Variants in PPP2R2A observed in about 807,000 individuals in gnomAD.
PPP2R2A encodes protein phosphatase 2 regulatory subunit Balpha.
In PPP2R2A, 9 loss-of-function variants were observed where a neutral mutation model predicts 53.2. The observed-to-expected ratio is 0.17, with a 90% confidence interval of 0.10 to 0.30. The LOEUF is 0.30. Among genes scored for constraint, PPP2R2A ranks in the 10% least tolerant of loss-of-function variants. PPP2R2A has a pLI of 1.00. For synonymous variants in PPP2R2A, 169 were observed against 174.2 expected, an observed-to-expected ratio of 0.97 and a Z score of 0.23; for missense variants, 235 against 534.6, an observed-to-expected ratio of 0.44 and a Z score of 5.53.
At chr8:26,328,020 T>TC (rs1803183387) in intron 2 of PPP2R2A, among the ~76,000 whole-genome samples, 1 of 152,054 alleles carries the variant, frequency 6.6e-6, no homozygotes, top group African/African-American at 2.4e-5. Flanking sequence ...CACCCACTCC[T>TC]CCCCCTCATC....
Position 26,302,801 on chromosome 8 carries a change from A to G in PPP2R2A, c.82+9061A>G, listed in dbSNP as rs73675951. Among the ~76,000 whole-genome samples, 694 of 152,304 alleles carry G rather than the reference A, an allele frequency of 4.6e-3. 3 individuals carry two copies. Among genetic ancestry groups the G allele is most frequent in the African/African-American group, 0.016 (658 of 41,560 alleles). On this transcript the variant is annotated intron_variant, in intron 2 of 9. Coordinates refer to ENST00000380737, the MANE Select transcript of PPP2R2A (RefSeq NM_002717.4). ...AAAGAGATTTGCAGCAGTGTAAAGC[A>G]ATGTCATTAATTTTGTTGGTGGGGA...
At chr8:26,320,764 G>A (rs569268152) in intron 2 of PPP2R2A, among the ~76,000 whole-genome samples, 6 of 152,166 alleles carry the variant, frequency 3.9e-5, no homozygotes, top group African/African-American at 1.2e-4. Flanking sequence ...TTAAAAGAAA[G>A]CAGTTACTTA....
intron 2 of PPP2R2A, among the ~76,000 whole-genome samples, chr8:26,335,347 G>A (rs1246147642): frequency 6.6e-6 from 1 of 152,176 alleles, no homozygotes; most frequent in Non-Finnish European, 1.5e-5. Flanking sequence ...AACTGTATAT[G>A]ATCTTTCTCT....
rs919602956 is a variant in PPP2R2A, at chr8:26,321,692, G to A, written c.83-17198G>A. ...AGCAGCCAGGCGCACGAGCTTGGAA[G>A]TAGATCTCCTCCTCCAGTCAGGCTT... On this transcript the variant is annotated intron_variant, in intron 2 of 9. Coordinates refer to ENST00000380737, the MANE Select transcript of PPP2R2A (RefSeq NM_002717.4). The surrounding 1 kb of genome is among the most constrained non-coding windows in gnomAD (Gnocchi z 4.1). 6.6e-6 allele frequency among the ~76,000 whole-genome samples: 1 copy of A among 152,206 alleles called. No individual in the cohort carries two copies. The highest frequency in any genetic ancestry group is 2.4e-5 in the African/African-American group (1 of 41,454).
intron 2 of PPP2R2A, among the ~76,000 whole-genome samples, chr8:26,319,204 C>G (rs1053585193): frequency 6.6e-6 from 1 of 152,134 alleles, no homozygotes; most frequent in Non-Finnish European, 1.5e-5. Flanking sequence ...TTTGTTCACT[C>G]ATCTCTTGAT....
At chr8:26,368,415 T>TTA (rs1214968678) in intron 9 of PPP2R2A, among the ~76,000 whole-genome samples, 10 of 152,198 alleles carry the variant, frequency 6.6e-5, no homozygotes, top group African/African-American at 2.2e-4. Context: ...AGCTTCAAAC[T>TTA]TACGAAGTTT....
Position 26,327,590 on chromosome 8 carries a change from A to G in PPP2R2A, c.83-11300A>G, listed in dbSNP as rs144460960. Among the ~76,000 whole-genome samples the G allele has an allele frequency of 2.3e-3, 347 of 152,308 alleles. 1 individual carries two copies. The highest frequency in any genetic ancestry group is 0.012 in the South Asian group (59 of 4,832). On this transcript the variant is annotated intron_variant, in intron 2 of 9. Transcript: ENST00000380737. ...TTTGGGAAAAATAGCAAGAACTTCG[A>G]GCTCCCTCTAGAGGCCAGCAGTGAT...
intron 2 of PPP2R2A, among the ~76,000 whole-genome samples, chr8:26,311,891 C>T (rs1016994264): frequency 6.6e-6 from 1 of 152,058 alleles, no homozygotes; most frequent in African/African-American, 2.4e-5. Flanking sequence ...CTATTGGTGT[C>T]AGTTTCTCAT....
In PPP2R2A at chr8:26,362,551, C is replaced by T. The variant is rs1805163176; in HGVS notation, c.638-133C>T. The T allele has an allele frequency of 6.2e-6, 5 of 804,254 alleles. No individual in the cohort carries two copies. The highest frequency in any genetic ancestry group is 1.7e-5 in the African/African-American group (1 of 57,232). The allele number at this position is 804,254 out of a possible 1,614,324, so 49.8% of individuals were successfully genotyped here. On this transcript the variant is annotated intron_variant, in intron 6 of 9. Coordinates refer to ENST00000380737, the MANE Select transcript of PPP2R2A (RefSeq NM_002717.4). This position sits in a 1 kb window ranked among gnomAD's most constrained non-coding sequence, Gnocchi z 4.4. ...TTTTAATCCCTTTGGAATTTATACT[C>T]ATAAAAACAGTGGAGTGCAATTCAG... is the stretch of plus-strand genomic sequence containing the variant.
At position 26,362,599 on chromosome 8, in the gene PPP2R2A, CATGA is replaced by C; in HGVS notation, c.638-81_638-78del. The stretch of plus-strand genomic sequence containing the variant: ...CAGAATTAATATTTTTGCTTAGGTC[CATGA>C]ATGGGTTTTAGGTTTGAGAAATGTA... On this transcript the variant is annotated intron_variant, in intron 6 of 9. Transcript: ENST00000380737. The surrounding 1 kb of genome is among the most constrained non-coding windows in gnomAD (Gnocchi z 4.4). The C allele has an allele frequency of 7.7e-7, 1 of 1,294,492 alleles. No individual in the cohort carries two copies. Among genetic ancestry groups the C allele is most frequent in the South Asian group, 1.4e-5 (1 of 73,922 alleles). 80.2% of individuals were successfully genotyped at this position (1,294,492 alleles called of 1,614,324 possible).
intron 4 of PPP2R2A, chr8:26,358,870 T>C (rs1319238032): frequency 4.4e-6 from 2 of 454,548 alleles, no homozygotes; most frequent in Non-Finnish European, 8.9e-6. Flanking sequence ...ATACATACTC[T>C]TCCCTACAGG....
intron 1 of PPP2R2A, chr8:26,292,531 A>G: frequency 1.2e-6 from 1 of 832,010 alleles, no homozygotes; most frequent in Non-Finnish European, 1.4e-6. Flanking sequence ...GGTTTGGTAG[A>G]GTTAGTTAAA....
At chr8:26,318,057 C>G (rs1203624583) in intron 2 of PPP2R2A, among the ~76,000 whole-genome samples, 1 of 152,062 alleles carries the variant, frequency 6.6e-6, no homozygotes, top group African/African-American at 2.4e-5. Context: ...CCTGTTAAAA[C>G]TCTGTGTGTA....
At chr8:26,294,837 T>C (rs894489624) in intron 2 of PPP2R2A, among the ~76,000 whole-genome samples, 1 of 151,816 alleles carries the variant, frequency 6.6e-6, no homozygotes, top group Non-Finnish European at 1.5e-5. Context: ...TGGTGTAGAT[T>C]ATACTTGTCA....
intron 3 of PPP2R2A, among the ~76,000 whole-genome samples, chr8:26,347,403 C>T (rs187676539): frequency 7.8e-4 from 113 of 145,430 alleles, no homozygotes; most frequent in African/African-American, 2.8e-3. Flanking sequence ...TGTCCACGCG[C>T]ATGTGCATGG....
In PPP2R2A at chr8:26,370,749, G is replaced by GA. The variant is rs1285163501; in HGVS notation, c.*339dup. On this transcript the variant is annotated 3_prime_UTR_variant, in exon 10 of 10. Coordinates refer to ENST00000380737, the MANE Select transcript of PPP2R2A (RefSeq NM_002717.4). The surrounding 1 kb of genome is among the most constrained non-coding windows in gnomAD (Gnocchi z 6.1). ...CCATTGTGATGACGTCAAACACAGTGAAAGCCTTCAGTCATGCTATGGGAT... is the reference window on the plus strand; with the variant it reads ...CCATTGTGATGACGTCAAACACAGTGAAAAGCCTTCAGTCATGCTATGGGAT... 6.6e-6 allele frequency: 2 copies of GA among 304,284 alleles called. No homozygotes were observed. The highest frequency in any genetic ancestry group is 4.3e-5 in the African/African-American group (2 of 46,948). The allele number at this position is 304,284 out of a possible 1,614,324, so 18.8% of individuals were successfully genotyped here. A position where few individuals can be genotyped will look rare whatever the true frequency, so the allele number is the denominator to read the frequency against.
intron 4 of PPP2R2A, among the ~76,000 whole-genome samples, chr8:26,357,356 C>T (rs1002477697): frequency 7.1e-6 from 1 of 141,652 alleles, no homozygotes; most frequent in African/African-American, 2.6e-5. Context: ...TAGTACCAAA[C>T]TTTCCAGGTT....
chr8:26,303,203 G>A (rs1354477102), intron 2 of PPP2R2A, among the ~76,000 whole-genome samples: 2 of 152,132 alleles, frequency 1.3e-5, no homozygotes, highest in Non-Finnish European at 2.9e-5. Flanking sequence ...GGTGATCTTG[G>A]TGAAGGAAGA....
intron 1 of PPP2R2A, chr8:26,292,221 A>G (rs1801333119): frequency 1.0e-5 from 11 of 1,050,388 alleles, no homozygotes; most frequent in South Asian, 3.6e-5. Flanking sequence ...TTTAATTTCT[A>G]TTTTTCCCCC....
Sources: gnomAD v4.1 joint callset for allele counts (sites outside exome capture counted in the v4.1 genomes callset) on GRCh38, gnomAD v4.1.1 for gene constraint, Gnocchi (gnomAD v3.1) non-coding constraint, MANE v1.5 for transcripts, NCBI Gene and HGNC (gene_info 2026-07-23, HGNC 2026-07-21) for gene names.